Variants in MID1 observed in about 807,000 individuals in gnomAD.
MID1 encodes the protein E3 ubiquitin-protein ligase Midline-1.
A neutral mutation model predicts 40.4 loss-of-function variants in MID1; 7 were observed. That is an observed-to-expected ratio of 0.17 (90% CI 0.10 to 0.33). The LOEUF is 0.33. Among genes scored for constraint, MID1 ranks in the 10% least tolerant of loss-of-function variants. The pLI, the probability that MID1 is intolerant of heterozygous loss-of-function variation, is 1.00. For synonymous variants in MID1, 229 were observed against 221.2 expected, an observed-to-expected ratio of 1.04 and a Z score of -0.31; for missense variants, 367 against 558.5, an observed-to-expected ratio of 0.66 and a Z score of 3.46.
chrX:10,510,707 T>C (rs1211488054), intron 3 of MID1, among the ~76,000 whole-genome samples: 1 of 105,480 alleles, frequency 9.5e-6, no homozygotes, highest in African/African-American at 3.5e-5. Flanking sequence ...TGGTGCACAC[T>C]TGTAATCCCA....
intron 5 of MID1, 128 bp downstream of exon 5, chrX:10,482,352 G>C (rs756383077): frequency 1.1e-3 from 816 of 728,877 alleles, no homozygotes; most frequent in Middle Eastern, 2.8e-3. Context: ...ACAGCTCAAA[G>C]CCTCTATTCT....
At chrX:10,504,861 G>A (rs1931749136) in intron 3 of MID1, among the ~76,000 whole-genome samples, 2 of 110,720 alleles carry the variant, frequency 1.8e-5, no homozygotes, top group East Asian at 2.8e-4. Context: ...TAGTGTGAAA[G>A]CAGCCATAGA....
intron 2 of MID1, among the ~76,000 whole-genome samples, chrX:10,538,300 C>T (rs1933339480): frequency 9.0e-6 from 1 of 111,560 alleles, no homozygotes; most frequent in Non-Finnish European, 1.9e-5. Flanking sequence ...TATTACTATG[C>T]TCTTCATGTC....
Position 10,782,052 on chromosome X carries a change from T to C in MID1, c.-187+51502A>G, listed in dbSNP as rs1056108004. Among the ~76,000 whole-genome samples the C allele has an allele frequency of 5.3e-5, 6 of 112,302 alleles. No individual in the cohort carries two copies. The South Asian group carries it at 2.2e-3, about 41-fold the overall frequency. On this transcript the variant is annotated intron_variant, in intron 1 of 10. Transcript: ENST00000380785. ...CCTCTGAAACACGAGTCCACACAGA[T>C]GAATGAAGCATAAATTCGGCCTCAG...
chrX:10,518,321 G>C (rs1442142762), intron 3 of MID1, among the ~76,000 whole-genome samples: 2 of 111,905 alleles, frequency 1.8e-5, no homozygotes, highest in Non-Finnish European at 3.8e-5. Context: ...TTTACTAGTG[G>C]TTAGGGCTTA....
intron 3 of MID1, among the ~76,000 whole-genome samples, chrX:10,499,845 C>T (rs768087103): frequency 2.7e-5 from 3 of 112,131 alleles, no homozygotes; most frequent in African/African-American, 6.5e-5. Flanking sequence ...TTCTAGAGTA[C>T]GGGCTGTGAA....
intron 2 of MID1, among the ~76,000 whole-genome samples, chrX:10,563,577 G>A (rs992514751): frequency 2.7e-5 from 3 of 111,877 alleles, no homozygotes; most frequent in Admixed American, 1.9e-4. Flanking sequence ...CAATTAAAAC[G>A]ATGTAAAGAA....
At chrX:10,572,104 ACTCT>A (rs59928523) in intron 1 of MID1, among the ~76,000 whole-genome samples, 1,047 of 70,319 alleles carry the variant, frequency 0.015, 6 homozygotes, top group African/African-American at 0.04. Context: ...CTTTCTTTTC[ACTCT>A]CTCTCTCTCT....
intron 1 of MID1, among the ~76,000 whole-genome samples, chrX:10,830,073 G>A (rs1341554184): frequency 8.9e-6 from 1 of 112,176 alleles, no homozygotes; most frequent in Admixed American, 9.5e-5. Flanking sequence ...GCTCTGCAGG[G>A]AGAATCAAGT....
At chrX:10,744,806 G>T (rs1264535045) in intron 1 of MID1, among the ~76,000 whole-genome samples, 1 of 111,655 alleles carries the variant, frequency 9.0e-6, no homozygotes, top group Non-Finnish European at 1.9e-5. Context: ...TTCCAGAGGG[G>T]TCTGCCAGTG....
At chrX:10,633,560 T>C (rs938233052) in intron 1 of MID1, among the ~76,000 whole-genome samples, 3 of 110,843 alleles carry the variant, frequency 2.7e-5, no homozygotes, top group African/African-American at 9.9e-5. Flanking sequence ...CAAGCAATCC[T>C]CCTACCTCAG....
chrX:10,667,935 G>T (rs1050385811), intron 1 of MID1, among the ~76,000 whole-genome samples: 4 of 112,267 alleles, frequency 3.6e-5, no homozygotes, highest in Non-Finnish European at 7.5e-5. Context: ...CTTCACTGAA[G>T]TTACTCCATA....
intron 1 of MID1, among the ~76,000 whole-genome samples, chrX:10,748,869 C>T (rs752263090): frequency 3.1e-4 from 35 of 111,197 alleles, no homozygotes; most frequent in Non-Finnish European, 6.0e-4. Flanking sequence ...GATGGGGGGA[C>T]ACACACAAAT....
At chrX:10,565,221 T>A in intron 2 of MID1, 2 of 331,405 alleles carry the variant, frequency 6.0e-6, no homozygotes, top group Non-Finnish European at 1.2e-5. Context: ...TGTGCTTGAC[T>A]TCCTCTACAT....
chrX:10,482,779 G>A (rs1930409510), intron 4 of MID1, 151 bp from the exon 5 acceptor site: 20 of 560,746 alleles, frequency 3.6e-5, no homozygotes, highest in South Asian at 5.3e-5. Flanking sequence ...GGAAAGCTCC[G>A]TTATGGGACT....
rs766098520 is a variant in MID1, at chrX:10,446,414, T to A, written c.*2954A>T. 8.9e-6 allele frequency: 1 copy of A among 112,122 alleles called. No individual in the cohort carries two copies. The highest frequency in any genetic ancestry group is 3.8e-4 in the South Asian group (1 of 2,654). The allele number at this position is 112,122 out of a possible 1,213,427, so 9.2% of individuals were successfully genotyped here. A position where few individuals can be genotyped will look rare whatever the true frequency, so the allele number is the denominator to read the frequency against. On this transcript the variant is annotated 3_prime_UTR_variant, in exon 10 of 10. Transcript: ENST00000317552. ...ATCAGTACCGTAATAAAAAAGCCTG[T>A]CTGTATTCAAGCTGTTTCTTTTCCT...
chrX:10,452,453 T>C (rs940162264), intron 9 of MID1, among the ~76,000 whole-genome samples: 2 of 112,322 alleles, frequency 1.8e-5, no homozygotes, highest in Non-Finnish European at 3.8e-5. Context: ...AATGTTCCAT[T>C]AAGTTACGCA....
chrX:10,820,180 C>A (rs971021064), intron 1 of MID1, among the ~76,000 whole-genome samples: 3 of 112,207 alleles, frequency 2.7e-5, no homozygotes, highest in Admixed American at 9.5e-5. Context: ...GACACATGCA[C>A]AGCCTGGAGG....
At chrX:10,694,860 T>C (rs1310992006) in intron 1 of MID1, among the ~76,000 whole-genome samples, 2 of 112,071 alleles carry the variant, frequency 1.8e-5, no homozygotes, top group Non-Finnish European at 3.8e-5. Flanking sequence ...GTCCTCCAAA[T>C]GGCCCTTGGT....
Sources: gnomAD v4.1 joint callset for allele counts (sites outside exome capture counted in the v4.1 genomes callset) on GRCh38, gnomAD v4.1.1 for gene constraint, MANE v1.5 for transcripts, NCBI Gene and HGNC (gene_info 2026-07-23, HGNC 2026-07-21) for gene names.